Variants in RBMS3 observed in about 807,000 individuals in gnomAD.
RBMS3 encodes the protein RNA-binding motif, single-stranded-interacting protein 3.
A neutral mutation model predicts 66.8 loss-of-function variants in RBMS3; 27 were observed. The observed-to-expected ratio is 0.40, with a 90% confidence interval of 0.30 to 0.56. The LOEUF is 0.56. Ranked by LOEUF, RBMS3 falls within the 20% of genes least tolerant of loss-of-function variation. RBMS3 has a pLI of 0.40. For missense variants in RBMS3, 513 were observed against 549.5 expected, an observed-to-expected ratio of 0.93 and a Z score of 0.66; for synonymous variants, 188 against 183.0, an observed-to-expected ratio of 1.03 and a Z score of -0.22.
intron 7 of RBMS3, among the ~76,000 whole-genome samples, chr3:29,875,559 GA>G (rs11423411): frequency 3.3e-4 from 48 of 146,674 alleles, no homozygotes; most frequent in East Asian, 8.0e-4. Flanking sequence ...ATTAAAATGT[GA>G]AAAAAAAAAC....
At chr3:29,649,722 G>A (rs1241987193) in intron 4 of RBMS3, among the ~76,000 whole-genome samples, 3 of 152,110 alleles carry the variant, frequency 2.0e-5, no homozygotes, top group Non-Finnish European at 4.4e-5. Context: ...ACAAGGACAA[G>A]TTTACTTGCC....
intron 3 of RBMS3, among the ~76,000 whole-genome samples, chr3:29,505,710 G>A (rs1559419409): frequency 3.3e-5 from 5 of 151,458 alleles, no homozygotes; most frequent in South Asian, 2.1e-4. Context: ...ATCAATGAAC[G>A]TGAGACATGT....
At chr3:29,962,281 G>GA (rs1434160065) in intron 12 of RBMS3, among the ~76,000 whole-genome samples, 1 of 151,244 alleles carries the variant, frequency 6.6e-6, no homozygotes, top group South Asian at 2.1e-4. Context: ...GGAAGTCCTA[G>GA]AAAAAATGAA....
chr3:29,590,593 T>C (rs1418133572), intron 4 of RBMS3, among the ~76,000 whole-genome samples: 1 of 152,024 alleles, frequency 6.6e-6, no homozygotes, highest in Non-Finnish European at 1.5e-5. Flanking sequence ...TTTCTGAATG[T>C]TTAACACTTA....
At chr3:29,485,017 A>G (rs2043269843) in intron 2 of RBMS3, among the ~76,000 whole-genome samples, 1 of 152,188 alleles carries the variant, frequency 6.6e-6, no homozygotes, top group East Asian at 1.9e-4. Flanking sequence ...TTAAAAATAA[A>G]TTCTTTATTG....
At chr3:29,825,251 G>T (rs899199389) in intron 6 of RBMS3, among the ~76,000 whole-genome samples, 1 of 151,860 alleles carries the variant, frequency 6.6e-6, no homozygotes, top group Admixed American at 6.6e-5. Flanking sequence ...TGGCCAGACC[G>T]GTCTTGAACT....
intron 1 of RBMS3, among the ~76,000 whole-genome samples, chr3:29,350,143 A>G: frequency 7.2e-6 from 1 of 138,820 alleles, no homozygotes; most frequent in East Asian, 2.1e-4. Flanking sequence ...CTGGGCAACA[A>G]GAGTAAAAAC....
At chr3:29,774,244 T>G (rs2056339290) in intron 6 of RBMS3, among the ~76,000 whole-genome samples, 1 of 151,984 alleles carries the variant, frequency 6.6e-6, no homozygotes, top group Non-Finnish European at 1.5e-5. Context: ...TACTAGACAC[T>G]CTAAGTAAGG....
At chr3:29,963,828 C>CA (rs759079889) in intron 12 of RBMS3, among the ~76,000 whole-genome samples, 90,307 of 121,250 alleles carry the variant, frequency 0.74, 32,587 homozygotes, top group Non-Finnish European at 0.81. Flanking sequence ...CTGCCCCCTC[C>CA]AAAAAAAAAA....
intron 12 of RBMS3, among the ~76,000 whole-genome samples, chr3:29,956,793 T>G (rs538698654): frequency 6.6e-6 from 1 of 152,240 alleles, no homozygotes; most frequent in Admixed American, 6.5e-5. Flanking sequence ...GCCACGTTTC[T>G]GAAACAAACA....
At chr3:29,284,707 A>G (rs983517067) in intron 1 of RBMS3, among the ~76,000 whole-genome samples, 2 of 152,016 alleles carry the variant, frequency 1.3e-5, no homozygotes, top group African/African-American at 2.4e-5. Flanking sequence ...TTAAAATGTT[A>G]TATATTAGAA....
intron 1 of RBMS3, among the ~76,000 whole-genome samples, chr3:29,403,250 A>C (rs1457057319): frequency 6.6e-6 from 1 of 152,064 alleles, no homozygotes; most frequent in Non-Finnish European, 1.5e-5. Context: ...GACCACACCT[A>C]AGCTAAGATT....
At chr3:29,343,618 A>G (rs2036406244) in intron 1 of RBMS3, among the ~76,000 whole-genome samples, 1 of 152,216 alleles carries the variant, frequency 6.6e-6, no homozygotes, top group Non-Finnish European at 1.5e-5. Flanking sequence ...GGAAGACAAC[A>G]TGCCTCTCAA....
chr3:29,591,563 A>C (rs1355027198), intron 4 of RBMS3, among the ~76,000 whole-genome samples: 1 of 152,184 alleles, frequency 6.6e-6, no homozygotes, highest in Non-Finnish European at 1.5e-5. Flanking sequence ...TGTCATCCAG[A>C]GGGATCTTAC....
chr3:29,646,864 GT>G (rs2049943297), intron 4 of RBMS3, among the ~76,000 whole-genome samples: 1 of 152,136 alleles, frequency 6.6e-6, no homozygotes, highest in African/African-American at 2.4e-5. Flanking sequence ...AAGTGGAGGA[GT>G]CTTTGGGGGC....
chr3:29,619,308 T>TA (rs1576372465), intron 4 of RBMS3, among the ~76,000 whole-genome samples: 1 of 151,508 alleles, frequency 6.6e-6, no homozygotes, highest in South Asian at 2.1e-4. Context: ...CAGTTTTAGT[T>TA]TAAAAAAAGA....
At chr3:29,642,214 TCTAAGTGGAAATG>T (rs1280078318) in intron 4 of RBMS3, among the ~76,000 whole-genome samples, 2 of 152,034 alleles carry the variant, frequency 1.3e-5, no homozygotes, top group African/African-American at 4.8e-5. Flanking sequence ...AGTTTGCAAT[TCTAAGTGGAAATG>T]CTGGGATTCA....
At chr3:29,712,804 C>G (rs1383087846) in intron 4 of RBMS3, among the ~76,000 whole-genome samples, 1 of 152,160 alleles carries the variant, frequency 6.6e-6, no homozygotes, top group African/African-American at 2.4e-5. Flanking sequence ...AAACTTCAGA[C>G]TCTGAGACTG....
chr3:29,517,539 G>A (rs540918988), intron 3 of RBMS3, among the ~76,000 whole-genome samples: 1 of 152,148 alleles, frequency 6.6e-6, no homozygotes, highest in Admixed American at 6.5e-5. Flanking sequence ...TAGCCAGGAT[G>A]GTTTCGATCT....
Sources: allele counts gnomAD v4.1 joint callset (sites outside exome capture counted in the v4.1 genomes callset), GRCh38; gene constraint gnomAD v4.1.1; transcripts MANE v1.5; gene names NCBI Gene and HGNC (gene_info 2026-07-23, HGNC 2026-07-21).